The following CLIC5 variants were observed in gnomAD, a reference collection of about 807,000 sequenced individuals.
CLIC5 encodes chloride intracellular channel protein 5.
Under a neutral mutation model 24.7 loss-of-function variants are expected in CLIC5, and 20 were observed. The observed-to-expected ratio is 0.81, with a 90% CI of 0.57 to 1.18. CLIC5 has a LOEUF of 1.18. Among genes scored for constraint, CLIC5 ranks in the 50% most tolerant of loss-of-function variants. CLIC5 has a pLI of 0.00. For missense variants in CLIC5, 341 were observed against 326.1 expected, an observed-to-expected ratio of 1.05 and a Z score of -0.35; for synonymous variants, 159 against 135.6, an observed-to-expected ratio of 1.17 and a Z score of -1.20.
In CLIC5 at chr6:46,070,053, G is replaced by A. The variant is rs559708243; in HGVS notation, c.540+9650C>T. Among the ~76,000 whole-genome samples the A allele has an allele frequency of 1.6e-4, 25 of 152,196 alleles. 1 individual carries two copies. In the South Asian group the frequency reaches 2.7e-3, roughly 16 times the overall value. ...CATGTTAAAAGCTCTCAATAAACTA[G>A]GTATCAAAGGAACATGCCTCAAAAT... On this transcript the variant is annotated intron_variant, in intron 1 of 5. Coordinates refer to the CLIC5 transcript ENST00000185206.
Position 45,980,114 on chromosome 6 carries a change from A to C in CLIC5, c.64-24870T>G, listed in dbSNP as rs542169560. Among the ~76,000 whole-genome samples the C allele has an allele frequency of 2.0e-5, 3 of 152,228 alleles. No homozygotes were observed. The South Asian group carries it at 6.2e-4, about 32-fold the overall frequency. The stretch of plus-strand genomic sequence containing the variant: ...TAGGGGTTGAGTTTCAATCTTCTGC[A>C]TATGGCCAGCCTGTTATCCCAGCAC... On this transcript the variant is annotated intron_variant, in intron 1 of 5. Coordinates refer to ENST00000339561, the MANE Select transcript of CLIC5 (RefSeq NM_016929.5).
At chr6:46,092,633 T>TTGTG in the CLIC5 span, among the ~76,000 whole-genome samples, 6 of 151,168 alleles carry the variant, frequency 4.0e-5, no homozygotes, top group South Asian at 2.1e-4. Flanking sequence ...TTATTCCCTT[T>TTGTG]TGTGTGTGTG....
intron 1 of CLIC5, among the ~76,000 whole-genome samples, chr6:45,998,086 G>A (rs1027330566): frequency 2.0e-5 from 3 of 152,218 alleles, no homozygotes; most frequent in Admixed American, 6.5e-5. Context: ...ATCTGTCCTT[G>A]GGAGCGGTTG....
intron 1 of CLIC5, among the ~76,000 whole-genome samples, chr6:45,994,632 T>A (rs9463160): frequency 6.6e-6 from 1 of 151,870 alleles, no homozygotes; most frequent in African/African-American, 2.4e-5. Flanking sequence ...AAAATAAAAA[T>A]AAAAAATTGG....
chr6:45,990,954 T>A (rs1269408587), intron 1 of CLIC5, among the ~76,000 whole-genome samples: 1 of 152,126 alleles, frequency 6.6e-6, no homozygotes, highest in Non-Finnish European at 1.5e-5. Flanking sequence ...CCATATCAAG[T>A]CTCTCCTCAA....
intron 4 of CLIC5, among the ~76,000 whole-genome samples, chr6:45,917,352 T>C (rs1227693328): frequency 6.6e-6 from 1 of 152,202 alleles, no homozygotes; most frequent in African/African-American, 2.4e-5. Context: ...GTTGTTGCTA[T>C]TGCCTTACCA....
At chr6:46,035,759 T>G (rs1431311927) in intron 1 of CLIC5, among the ~76,000 whole-genome samples, 1 of 152,146 alleles carries the variant, frequency 6.6e-6, no homozygotes, top group Non-Finnish European at 1.5e-5. Flanking sequence ...TTTCTTTTTT[T>G]TTTTAAGATG....
At chr6:45,997,944 T>C (rs1178491759) in intron 1 of CLIC5, among the ~76,000 whole-genome samples, 1 of 152,258 alleles carries the variant, frequency 6.6e-6, no homozygotes, top group Admixed American at 6.5e-5. Context: ...ATCTGTTTCA[T>C]GGTTGAAAAA....
chr6:46,065,288 G>A (rs1288706020), intron 1 of CLIC5, among the ~76,000 whole-genome samples: 2 of 150,760 alleles, frequency 1.3e-5, no homozygotes, highest in African/African-American at 4.9e-5. Flanking sequence ...ATCCTGGAAA[G>A]GCAGTAGCTA....
At chr6:46,116,915 C>G in the CLIC5 span, among the ~76,000 whole-genome samples, 9 of 152,138 alleles carry the variant, frequency 5.9e-5, no homozygotes, top group Admixed American at 2.6e-4. Context: ...ACCTTAACCT[C>G]TGTGATTTAG....
chr6:45,954,223 A>G (rs1237965732), intron 2 of CLIC5, among the ~76,000 whole-genome samples: 1 of 150,844 alleles, frequency 6.6e-6, no homozygotes, highest in African/African-American at 2.4e-5. Flanking sequence ...CAGTGAGCTA[A>G]GATCGTACCA....
chr6:45,969,853 A>G (rs924704438), intron 1 of CLIC5, among the ~76,000 whole-genome samples: 4 of 150,728 alleles, frequency 2.7e-5, no homozygotes, highest in Non-Finnish European at 1.5e-5. Context: ...TAAAGACAGA[A>G]AGCCACACTC....
intron 6 of CLIC5, among the ~76,000 whole-genome samples, chr6:45,886,229 A>C (rs1318094910): frequency 6.6e-6 from 1 of 152,144 alleles, no homozygotes; most frequent in African/African-American, 2.4e-5. Flanking sequence ...AAATCTTGAA[A>C]AACTCCCCAG....
At chr6:45,894,507 T>A (rs1762377928), downstream of CLIC5, among the ~76,000 whole-genome samples, 1 of 152,148 alleles carries the variant, frequency 6.6e-6, no homozygotes, top group African/African-American at 2.4e-5. Context: ...AAAAAGGGCA[T>A]GGAAAGATAT....
rs1762558064 is a variant in CLIC5, at chr6:45,903,234, T to G, written c.610A>C (p.Asn204His). 1 of 1,600,876 alleles carries G rather than the reference T, an allele frequency of 6.2e-7. No individual in the cohort carries two copies. ...GTCATCTCAGCCGGGATATCATAGT[T>G]GCGGTATTTCTTGGCCACAATCTAA... The part of the protein sequence containing the change: ...VVKIVAKKYR[N>H]YDIPAEMTGL... The change falls in exon 6 of 6, where the codon AAC (asparagine) becomes CAC (histidine). Residue 204 changes from asparagine (N) to histidine (H), a missense_variant. Asn to His is a moderately conservative substitution (Grantham distance 68, BLOSUM62 1). Coordinates refer to ENST00000339561, the MANE Select transcript of CLIC5 (RefSeq NM_016929.5).
At chr6:45,990,795 G>A (rs977283377) in intron 1 of CLIC5, among the ~76,000 whole-genome samples, 2 of 152,188 alleles carry the variant, frequency 1.3e-5, no homozygotes. Flanking sequence ...CAGACTGTCA[G>A]CTCCCTTAAG....
chr6:45,888,988 T>A (rs949311622), intron 6 of CLIC5, among the ~76,000 whole-genome samples: 1 of 151,908 alleles, frequency 6.6e-6, no homozygotes, highest in Non-Finnish European at 1.5e-5. Context: ...AGAGGGAGAC[T>A]AATCAAGTTG....
intron 1 of CLIC5, among the ~76,000 whole-genome samples, chr6:45,975,461 A>G (rs965406066): frequency 5.9e-5 from 9 of 152,258 alleles, no homozygotes; most frequent in Non-Finnish European, 1.0e-4. Flanking sequence ...GTATATTTTA[A>G]CTTTGGCCAA....
intron 6 of CLIC5, among the ~76,000 whole-genome samples, chr6:45,886,915 G>A (rs1762310290): frequency 6.6e-6 from 1 of 152,290 alleles, no homozygotes; most frequent in African/African-American, 2.4e-5. Context: ...GATCATTCCT[G>A]GGATGCTACC....
Sources: allele counts gnomAD v4.1 joint callset (sites outside exome capture counted in the v4.1 genomes callset), GRCh38; gene constraint gnomAD v4.1.1; transcripts MANE v1.5; gene names NCBI Gene and HGNC (gene_info 2026-07-23, HGNC 2026-07-21).